Variants in SLC14A2 observed in about 807,000 individuals in gnomAD.
SLC14A2 encodes the protein urea transporter 2.
Under a neutral mutation model 104.6 loss-of-function variants are expected in SLC14A2, and 91 were observed. That is an observed-to-expected ratio of 0.87 (90% CI 0.73 to 1.04). The LOEUF is 1.04. SLC14A2 is among the 50% of genes least tolerant of loss of function. SLC14A2 has a pLI of 0.00. For synonymous variants in SLC14A2, 476 were observed against 466.4 expected (o/e 1.02, Z -0.27); for missense variants, 1,189 against 1,156.0 (o/e 1.03, Z -0.41).
chr18:45,414,757 A>AAAAAAAAT (rs1360051908), intron 1 of SLC14A2, among the ~76,000 whole-genome samples: 32 of 76,096 alleles, frequency 4.2e-4, no homozygotes, highest in African/African-American at 1.6e-3. Flanking sequence ...AAAAAAAAAA[A>AAAAAAAAT]ATATATATAT....
chr18:45,647,006 G>C (rs972172248), intron 10 of SLC14A2: 1 of 152,176 alleles, frequency 6.6e-6, no homozygotes, highest in African/African-American at 2.4e-5. Flanking sequence ...AGGGACTTTA[G>C]AGGAGGCTGT....
chr18:45,392,799 G>A (rs1449312128), intron 1 of SLC14A2, among the ~76,000 whole-genome samples: 1 of 152,154 alleles, frequency 6.6e-6, no homozygotes, highest in East Asian at 1.9e-4. Context: ...ATTAATCTAT[G>A]TTCTTTTTAA....
chr18:45,270,607 T>C (rs2084641766), intron 1 of SLC14A2, among the ~76,000 whole-genome samples: 1 of 152,158 alleles, frequency 6.6e-6, no homozygotes, highest in African/African-American at 2.4e-5. Flanking sequence ...GTTCCTGCAA[T>C]AAGCTGTTAG....
At chr18:45,623,279 AAAGGTTCACTGGAGATGAG>A (rs1288087223) in intron 1 of SLC14A2, among the ~76,000 whole-genome samples, 2 of 152,190 alleles carry the variant, frequency 1.3e-5, no homozygotes, top group Non-Finnish European at 2.9e-5. Flanking sequence ...GGGGAGATGA[AAAGGTTCACTGGAGATGAG>A]AAGGACAAGG....
intron 9 of SLC14A2, among the ~76,000 whole-genome samples, chr18:45,643,505 T>G (rs539013351): frequency 5.0e-4 from 76 of 152,286 alleles, no homozygotes; most frequent in African/African-American, 1.8e-3. Flanking sequence ...CATTGAAAGA[T>G]TCTGATTGTG....
chr18:45,322,451 A>G (rs1373161946), intron 1 of SLC14A2, among the ~76,000 whole-genome samples: 2 of 152,252 alleles, frequency 1.3e-5, no homozygotes, highest in African/African-American at 4.8e-5. Flanking sequence ...AACTCCGTGT[A>G]TAAGAACAGA....
intron 1 of SLC14A2, among the ~76,000 whole-genome samples, chr18:45,277,022 G>T (rs190479346): frequency 1.4e-3 from 216 of 152,288 alleles, no homozygotes; most frequent in Admixed American, 2.5e-3. Context: ...TGAAAACAGA[G>T]AATAATACGA....
intron 1 of SLC14A2, among the ~76,000 whole-genome samples, chr18:45,311,520 T>C (rs1041442636): frequency 1.3e-5 from 2 of 152,200 alleles, no homozygotes; most frequent in African/African-American, 4.8e-5. Flanking sequence ...CACCATACTC[T>C]ACTCCGCAAC....
chr18:45,477,030 G>A (rs55655005), intron 1 of SLC14A2, among the ~76,000 whole-genome samples: 1,961 of 148,270 alleles, frequency 0.013, 28 homozygotes, highest in South Asian at 0.069. Context: ...CCTTGCTGGC[G>A]GGGAGTTGTG....
the SLC14A2 span, among the ~76,000 whole-genome samples, chr18:45,186,823 C>T: frequency 6.6e-6 from 1 of 152,182 alleles, no homozygotes; most frequent in Non-Finnish European, 1.5e-5. Flanking sequence ...CAGAGGCTGC[C>T]ATCTTAGGGA....
chr18:45,259,066 A>G (rs2084508867), intron 1 of SLC14A2, among the ~76,000 whole-genome samples: 1 of 152,206 alleles, frequency 6.6e-6, no homozygotes, highest in Non-Finnish European at 1.5e-5. Flanking sequence ...ACTGCCTTCT[A>G]ACCCCTACAG....
At chr18:45,540,435 C>G (rs1171809839) in intron 2 of SLC14A2, among the ~76,000 whole-genome samples, 1 of 152,116 alleles carries the variant, frequency 6.6e-6, no homozygotes, top group East Asian at 1.9e-4. Flanking sequence ...AGCTGCTGCT[C>G]ACAGGCTTTA....
At chr18:45,412,471 C>T (rs893336966) in intron 1 of SLC14A2, among the ~76,000 whole-genome samples, 18 of 152,148 alleles carry the variant, frequency 1.2e-4, no homozygotes, top group African/African-American at 4.3e-4. Flanking sequence ...ATTCTTGGCT[C>T]AAACTGGGGA....
chr18:45,434,141 T>C (rs2144559116), intron 1 of SLC14A2, among the ~76,000 whole-genome samples: 1 of 152,306 alleles, frequency 6.6e-6, no homozygotes, highest in East Asian at 1.9e-4. Context: ...CCCCCTACCC[T>C]TAACTGTAGA....
chr18:45,361,104 G>A (rs2085606041), intron 1 of SLC14A2, among the ~76,000 whole-genome samples: 2 of 152,256 alleles, frequency 1.3e-5, no homozygotes, highest in South Asian at 4.1e-4. Context: ...AGACCACCCA[G>A]CTAGAAGTCC....
rs2045076877 is a variant in SLC14A2, at chr18:45,616,688, C to T, written c.-35+1106C>T. ...AGACTGAGGGCTCTGAAGGAGAACT[C>T]GATGGCTGAATAATTGCAACTGATG... is the stretch of plus-strand genomic sequence containing the variant. On this transcript the variant is annotated intron_variant, in intron 1 of 19. Coordinates refer to ENST00000255226, the MANE Select transcript of SLC14A2 (RefSeq NM_007163.4). Among the ~76,000 whole-genome samples the T allele has an allele frequency of 2.0e-5, 3 of 152,054 alleles. No homozygotes were observed. In the South Asian group the frequency reaches 6.2e-4, roughly 32 times the overall value.
At chr18:45,219,942 AAGT>A (rs1414255902) in intron 1 of SLC14A2, among the ~76,000 whole-genome samples, 1 of 152,224 alleles carries the variant, frequency 6.6e-6, no homozygotes, top group African/African-American at 2.4e-5. Context: ...AAGGTTTAAG[AAGT>A]AGTCCACATG....
intron 10 of SLC14A2, among the ~76,000 whole-genome samples, chr18:45,657,508 GGAAA>G (rs2045858944): frequency 8.4e-6 from 1 of 118,550 alleles, no homozygotes; most frequent in African/African-American, 3.0e-5. Context: ...AAAAAAGAAA[GGAAA>G]GAAAGAAAAG....
intron 1 of SLC14A2, among the ~76,000 whole-genome samples, chr18:45,394,368 T>C (rs2086005577): frequency 6.6e-6 from 1 of 152,170 alleles, no homozygotes; most frequent in Non-Finnish European, 1.5e-5. Context: ...CGTATGTAAA[T>C]TGAAAATAGA....
Sources: gnomAD v4.1 joint callset for allele counts (sites outside exome capture counted in the v4.1 genomes callset) on GRCh38, gnomAD v4.1.1 for gene constraint, MANE v1.5 for transcripts, NCBI Gene and HGNC (gene_info 2026-07-23, HGNC 2026-07-21) for gene names.